The following GPHN variants were observed in gnomAD, a reference collection of about 807,000 sequenced individuals.
GPHN encodes gephyrin.
Under a neutral mutation model 95.5 loss-of-function variants are expected in GPHN, and 17 were observed. The observed-to-expected ratio is 0.18, with a 90% confidence interval of 0.12 to 0.27. The LOEUF (loss-of-function observed/expected upper bound fraction) is 0.27. Ranked by LOEUF, GPHN falls within the 10% of genes least tolerant of loss-of-function variation. The probability of loss-of-function intolerance (pLI) is 1.00; values close to 1 mark genes in which losing one functional copy is unlikely to be tolerated. For synonymous variants in GPHN, 320 were observed against 322.5 expected, an observed-to-expected ratio of 0.99 and a Z score of 0.08; for missense variants, 660 against 978.1, an observed-to-expected ratio of 0.67 and a Z score of 4.34.
At chr14:67,474,612 T>C in the GPHN span, among the ~76,000 whole-genome samples, 1 of 152,198 alleles carries the variant, frequency 6.6e-6, no homozygotes, top group African/African-American at 2.4e-5. Context: ...AATTCAGTGG[T>C]CTTAAGTACA....
chr14:67,092,827 A>G (rs2077197364), intron 12 of GPHN, among the ~76,000 whole-genome samples: 1 of 152,252 alleles, frequency 6.6e-6, no homozygotes, highest in South Asian at 2.1e-4. Context: ...GCATATTTAC[A>G]ATTTGAATCA....
the GPHN span, among the ~76,000 whole-genome samples, chr14:67,603,652 C>T: frequency 2.0e-3 from 306 of 152,296 alleles, 3 homozygotes; most frequent in African/African-American, 5.6e-3. Context: ...TGCACCCAGT[C>T]ACTAAAATCC....
chr14:66,759,512 GTTGGT>G (rs1052523527), intron 2 of GPHN, among the ~76,000 whole-genome samples: 3 of 152,182 alleles, frequency 2.0e-5, no homozygotes, highest in East Asian at 1.9e-4. Context: ...ACTTACTGTT[GTTGGT>G]TTAAAGTCTT....
At position 66,733,073 on chromosome 14, in the gene GPHN, T is replaced by A. The variant is rs538989984; in HGVS notation, c.144-43391T>A. ...CATGAGTCAAGGGAGGGAGCTGTAA[T>A]CTCCATGTGTCCAGGGAAGGAGATG... On this transcript the variant is annotated intron_variant, in intron 2 of 22. Transcript: ENST00000478722. Among the ~76,000 whole-genome samples, 4 of 152,224 alleles carry A rather than the reference T, an allele frequency of 2.6e-5. No individual in the cohort carries two copies. The East Asian group carries it at 7.7e-4, about 29-fold the overall frequency.
At chr14:67,128,170 G>T (rs1169517385) in intron 17 of GPHN, among the ~76,000 whole-genome samples, 1 of 151,782 alleles carries the variant, frequency 6.6e-6, no homozygotes, top group Non-Finnish European at 1.5e-5. Context: ...TATATCCCCA[G>T]CCCAAATATG....
At position 66,792,757 on chromosome 14, in the gene GPHN, T is replaced by C. The variant is rs556636221; in HGVS notation, c.201+16236T>C. 7.9e-5 allele frequency among the ~76,000 whole-genome samples: 12 copies of C among 152,080 alleles called. No individual in the cohort carries two copies. The South Asian group carries it at 2.1e-3, about 26-fold the overall frequency. On this transcript the variant is annotated intron_variant, in intron 3 of 22. Transcript: ENST00000478722. ...GAGGAATTAAAGACACACAGAAATA[T>C]AGAGATGTGAAGTGGGAAATCAAGG...
At chr14:67,182,037 T>C (rs2083332955), downstream of GPHN, among the ~76,000 whole-genome samples, 1 of 152,182 alleles carries the variant, frequency 6.6e-6, no homozygotes, top group Non-Finnish European at 1.5e-5. Context: ...TGGTCTCGTC[T>C]TTCCAGTCAT....
chr14:67,193,630 T>TATATAG, the GPHN span, among the ~76,000 whole-genome samples: 1 of 147,006 alleles, frequency 6.8e-6, no homozygotes, highest in Non-Finnish European at 1.5e-5. Context: ...TATATCTATC[T>TATATAG]ATATAGATAT....
intron 11 of GPHN, among the ~76,000 whole-genome samples, chr14:67,079,792 A>G (rs2076620639): frequency 6.6e-6 from 1 of 152,024 alleles, no homozygotes; most frequent in Non-Finnish European, 1.5e-5. Flanking sequence ...CTATCATTCT[A>G]CTTTTTTCTA....
chr14:67,004,526 T>C (rs912620843), intron 9 of GPHN, among the ~76,000 whole-genome samples: 5 of 151,806 alleles, frequency 3.3e-5, no homozygotes, highest in African/African-American at 1.2e-4. Context: ...GCTATGTTGT[T>C]CTAAAATATG....
At chr14:66,529,401 G>T (rs1286641997) in intron 1 of GPHN, among the ~76,000 whole-genome samples, 1 of 151,896 alleles carries the variant, frequency 6.6e-6, no homozygotes, top group Non-Finnish European at 1.5e-5. Flanking sequence ...CTTGCATTTG[G>T]TTAGAACATG....
At chr14:66,966,657 C>T (rs896150310) in intron 9 of GPHN, among the ~76,000 whole-genome samples, 3 of 151,958 alleles carry the variant, frequency 2.0e-5, no homozygotes, top group Non-Finnish European at 4.4e-5. Flanking sequence ...GCTAAACTCA[C>T]TTGTAAAGTC....
At chr14:67,503,587 C>A in the GPHN span, 1 of 152,232 alleles carries the variant, frequency 6.6e-6, no homozygotes, top group African/African-American at 2.4e-5. Flanking sequence ...GTTTAAAAGT[C>A]CACACTCTGG....
At chr14:67,390,203 A>G in the GPHN span, among the ~76,000 whole-genome samples, 1 of 152,220 alleles carries the variant, frequency 6.6e-6, no homozygotes, top group African/African-American at 2.4e-5. Flanking sequence ...TTAAAAAGCA[A>G]ATTAGTAAAT....
chr14:66,678,428 G>A (rs1384488492), intron 1 of GPHN, among the ~76,000 whole-genome samples: 1 of 146,594 alleles, frequency 6.8e-6, no homozygotes, highest in African/African-American at 2.5e-5. Flanking sequence ...CGGGATTTCT[G>A]TTTAGTTGTT....
chr14:66,969,747 A>T (rs1207604222), intron 9 of GPHN: 2 of 151,698 alleles, frequency 1.3e-5, no homozygotes, highest in African/African-American at 4.8e-5. Flanking sequence ...GTTGCAGTGA[A>T]ATGAGATCAA....
At chr14:66,704,836 A>T (rs564864006) in intron 2 of GPHN, among the ~76,000 whole-genome samples, 1 of 152,300 alleles carries the variant, frequency 6.6e-6, no homozygotes, top group South Asian at 2.1e-4. Context: ...AAGGAGATAG[A>T]GACACAAAAA....
chr14:67,041,351 A>C (rs370149140), intron 10 of GPHN, among the ~76,000 whole-genome samples: 53 of 152,076 alleles, frequency 3.5e-4, no homozygotes, highest in African/African-American at 1.2e-3. Context: ...ATTTCTCCTA[A>C]TGTTATCCCT....
At chr14:67,010,881 T>G (rs1199212431) in intron 9 of GPHN, among the ~76,000 whole-genome samples, 1 of 152,028 alleles carries the variant, frequency 6.6e-6, no homozygotes, top group Non-Finnish European at 1.5e-5. Flanking sequence ...CAATAAATAC[T>G]TAGTGAAGGA....
Sources: allele counts gnomAD v4.1 joint callset (sites outside exome capture counted in the v4.1 genomes callset), GRCh38; gene constraint gnomAD v4.1.1; transcripts MANE v1.5; gene names NCBI Gene and HGNC (gene_info 2026-07-23, HGNC 2026-07-21).